FRMD3: variants seen among roughly 807,000 people sequenced by gnomAD.
FRMD3 encodes the protein FERM domain containing 3, also known as FERM domain-containing protein 3.
A neutral mutation model predicts 70.2 loss-of-function variants in FRMD3; 33 were observed. The observed-to-expected ratio is 0.47, with a 90% confidence interval of 0.36 to 0.63. FRMD3 has a LOEUF of 0.63. Among genes scored for constraint, FRMD3 ranks in the 20% least tolerant of loss-of-function variants. FRMD3 has a pLI of 0.00. For missense variants in FRMD3, 632 were observed against 711.4 expected, an observed-to-expected ratio of 0.89 and a Z score of 1.27; for synonymous variants, 279 against 255.9, an observed-to-expected ratio of 1.09 and a Z score of -0.86.
chr9:83,433,679 G>A lies in FRMD3; in HGVS notation c.148-43971C>T, dbSNP rs112059203. 4.4e-3 allele frequency among the ~76,000 whole-genome samples: 676 copies of A among 152,292 alleles called. 3 individuals are homozygous for A. The highest frequency in any genetic ancestry group is 0.015 in the African/African-American group (640 of 41,552). On this transcript the variant is annotated intron_variant, in intron 1 of 13. Coordinates refer to ENST00000304195, the MANE Select transcript of FRMD3 (RefSeq NM_174938.6). ...CTGCAACTAGACAGTCCAATCTGAG[G>A]GTGATGGGAGACAGTGACAGATCAT...
chr9:83,567,336 C>G, the FRMD3 span, among the ~76,000 whole-genome samples: 6 of 152,184 alleles, frequency 3.9e-5, no homozygotes, highest in African/African-American at 7.2e-5. Flanking sequence ...TACAAAACCA[C>G]TTTTTCCTCC....
the FRMD3 span, among the ~76,000 whole-genome samples, chr9:83,567,519 A>G: frequency 6.6e-6 from 1 of 152,196 alleles, no homozygotes; most frequent in Non-Finnish European, 1.5e-5. Flanking sequence ...CTACGGCATC[A>G]TCGGGCTACA....
chr9:83,346,653 C>G (rs541306437), intron 4 of FRMD3, among the ~76,000 whole-genome samples: 1 of 152,316 alleles, frequency 6.6e-6, no homozygotes, highest in South Asian at 2.1e-4. Context: ...ACATACTAAA[C>G]TGTACACTTC....
At chr9:83,256,811 G>T (rs1337157087) in intron 13 of FRMD3, among the ~76,000 whole-genome samples, 1 of 151,950 alleles carries the variant, frequency 6.6e-6, no homozygotes, top group Non-Finnish European at 1.5e-5. Flanking sequence ...AAACCACAAT[G>T]AGATATGAGA....
chr9:83,473,241 A>G (rs1268596213), intron 1 of FRMD3, among the ~76,000 whole-genome samples: 1 of 151,608 alleles, frequency 6.6e-6, no homozygotes, highest in African/African-American at 2.4e-5. Flanking sequence ...CCTCTTCCCA[A>G]CCCCCTGCCT....
rs148214968 is a variant in FRMD3 at position 83,417,301 on chromosome 9, A to G, written c.148-27593T>C. 4.8e-3 allele frequency among the ~76,000 whole-genome samples: 734 copies of G among 152,320 alleles called. 6 individuals are homozygous for G. Among genetic ancestry groups the G allele is most frequent in the African/African-American group, 0.016 (676 of 41,562 alleles). ...CTAGGTGCTAAAAATAAAACAGTAA[A>G]CAAAATAAAAGAGTAAACCATGCCT... On this transcript the variant is annotated intron_variant, in intron 1 of 13. Coordinates refer to ENST00000304195, the MANE Select transcript of FRMD3 (RefSeq NM_174938.6).
At chr9:83,357,877 C>A (rs1824454414) in intron 3 of FRMD3, among the ~76,000 whole-genome samples, 1 of 152,186 alleles carries the variant, frequency 6.6e-6, no homozygotes, top group South Asian at 2.1e-4. Context: ...TGTGGGTTGT[C>A]TGTTAACTCT....
the FRMD3 span, among the ~76,000 whole-genome samples, chr9:83,544,880 A>C: frequency 6.6e-6 from 1 of 152,222 alleles, no homozygotes; most frequent in East Asian, 1.9e-4. Flanking sequence ...AAGAAATAAA[A>C]AGTCTTGTCC....
At position 83,311,963 on chromosome 9, in the gene FRMD3, T is replaced by C. The variant is rs1587710920; in HGVS notation, c.697A>G (p.Thr233Ala). 1 of 1,598,640 alleles carries C rather than the reference T, an allele frequency of 6.3e-7. No individual in the cohort carries two copies. Among genetic ancestry groups the C allele is most frequent in the Non-Finnish European group, 8.5e-7 (1 of 1,174,052 alleles). Residue 233 changes from threonine (T) to alanine (A), a missense_variant, in exon 8 of 14, where the codon ACA becomes GCA. Around this residue, in one of 3 missense-constraint regions of FRMD3, gnomAD observed 418 missense variants for 442.1 expected, o/e 0.95. Transcript: ENST00000304195. Reference protein sequence around the residue: ...DPHPCKDSTGTTTFLGFTAAG... With the variant: ...DPHPCKDSTGATTFLGFTAAG... ...GCTGTGAATCCTAAAAATGTTGTTG[T>C]GCCTGTTGAATCCTGAAAAAAAAAA...
chr9:83,290,822 C>A, intron 12 of FRMD3, 95 bp from the exon 13 acceptor site: 1 of 1,366,940 alleles, frequency 7.3e-7, no homozygotes, highest in Non-Finnish European at 1.0e-6. Context: ...TTTGTGTCTA[C>A]AGGGAACTAC....
At chr9:83,487,108 G>A (rs906422670) in intron 1 of FRMD3, among the ~76,000 whole-genome samples, 2 of 152,156 alleles carry the variant, frequency 1.3e-5, no homozygotes, top group Non-Finnish European at 2.9e-5. Context: ...CACTTGACAT[G>A]CTATTTGTTT....
chr9:83,559,276 C>T, the FRMD3 span, among the ~76,000 whole-genome samples: 25 of 152,182 alleles, frequency 1.6e-4, no homozygotes, highest in Admixed American at 1.6e-3. Flanking sequence ...GCTGTAGCAA[C>T]CACCAGCAAA....
At chr9:83,291,711 G>C (rs886472483) in intron 12 of FRMD3, among the ~76,000 whole-genome samples, 3 of 152,120 alleles carry the variant, frequency 2.0e-5, no homozygotes, top group Admixed American at 2.0e-4. Flanking sequence ...TAAGGGCAGA[G>C]ACTGAGCCAG....
chr9:83,468,842 G>A (rs1220431293), intron 1 of FRMD3, among the ~76,000 whole-genome samples: 2 of 152,218 alleles, frequency 1.3e-5, no homozygotes, highest in Admixed American at 1.3e-4. Flanking sequence ...TGGGAGGAGG[G>A]TGGAGAAGAG....
At chr9:83,523,012 A>T (rs561294489) in intron 1 of FRMD3, among the ~76,000 whole-genome samples, 1 of 152,282 alleles carries the variant, frequency 6.6e-6, no homozygotes, top group South Asian at 2.1e-4. Context: ...CAATAGTGCT[A>T]TGCTGAATCT....
Position 83,414,527 on chromosome 9 carries a change from C to A in FRMD3, c.148-24819G>T, listed in dbSNP as rs560748434. 2.0e-5 allele frequency among the ~76,000 whole-genome samples: 3 copies of A among 152,182 alleles called. No individual in the cohort carries two copies. In the South Asian group the frequency reaches 6.2e-4, roughly 32 times the overall value. ...ATCATGTCTGTTAAACAAAGAATAT[C>A]ATTAAGGTAGTGAAGAACCAAGCTA... On this transcript the variant is annotated intron_variant, in intron 1 of 13. Coordinates refer to ENST00000304195, the MANE Select transcript of FRMD3 (RefSeq NM_174938.6).
intron 6 of FRMD3, among the ~76,000 whole-genome samples, chr9:83,317,067 T>C (rs1472045565): frequency 1.3e-5 from 2 of 151,940 alleles, no homozygotes; most frequent in African/African-American, 2.4e-5. Context: ...TAGCCAGATA[T>C]TGTGCACTAT....
At chr9:83,421,230 G>T (rs1017367626) in intron 1 of FRMD3, among the ~76,000 whole-genome samples, 1 of 151,884 alleles carries the variant, frequency 6.6e-6, no homozygotes, top group Middle Eastern at 3.4e-3. Context: ...GTGAGCCACC[G>T]CGCCCGGCCG....
intron 1 of FRMD3, among the ~76,000 whole-genome samples, chr9:83,517,791 G>A (rs535484537): frequency 7.3e-4 from 111 of 152,244 alleles, no homozygotes; most frequent in African/African-American, 2.3e-3. Flanking sequence ...TATCCACCAC[G>A]ATCAAGTCAG....
Sources: allele counts gnomAD v4.1 joint callset (sites outside exome capture counted in the v4.1 genomes callset), GRCh38; gene constraint gnomAD v4.1.1; regional missense constraint gnomAD v4.1.1; transcripts MANE v1.5; gene names NCBI Gene and HGNC (gene_info 2026-07-23, HGNC 2026-07-21).